DPF3: variants seen among roughly 807,000 people sequenced by gnomAD.
DPF3 encodes the protein double PHD fingers 3.
DPF3 carries 18 observed loss-of-function variants against 56.8 expected under a neutral mutation model. That is an observed-to-expected ratio of 0.32 (90% CI 0.22 to 0.47). DPF3 has a LOEUF of 0.47. DPF3 is among the 20% of genes least tolerant of loss of function. The probability of loss-of-function intolerance (pLI) is 1.00; values close to 1 mark genes in which losing one functional copy is unlikely to be tolerated. For synonymous variants in DPF3, 188 were observed against 180.2 expected (o/e 1.04, Z -0.35); for missense variants, 403 against 488.8 (o/e 0.82, Z 1.65).
chr14:72,879,516 C>T (rs1486287226), intron 1 of DPF3, among the ~76,000 whole-genome samples: 2 of 152,194 alleles, frequency 1.3e-5, no homozygotes, highest in Non-Finnish European at 1.5e-5. Flanking sequence ...TGGCCCAGGG[C>T]AGGTGTGGCC....
At chr14:72,653,077 A>G (rs555416932) in intron 8 of DPF3, among the ~76,000 whole-genome samples, 157 of 152,324 alleles carry the variant, frequency 1.0e-3, no homozygotes, top group Non-Finnish European at 2.1e-3. Context: ...GTCACTGAAC[A>G]TTATTGGGAG....
chr14:72,747,625 CAA>C (rs1030427221), intron 3 of DPF3, among the ~76,000 whole-genome samples: 76 of 77,530 alleles, frequency 9.8e-4, no homozygotes, highest in African/African-American at 2.7e-3. Flanking sequence ...CCCGTCTCTA[CAA>C]AAAAAAAAAA....
At chr14:72,887,152 A>AC (rs1886578443) in intron 1 of DPF3, among the ~76,000 whole-genome samples, 4 of 138,046 alleles carry the variant, frequency 2.9e-5, no homozygotes, top group Non-Finnish European at 6.2e-5. Flanking sequence ...TCTGCCTCCA[A>AC]ACACACACAC....
chr14:72,879,727 C>T (rs1886254530), intron 1 of DPF3: 3 of 1,447,104 alleles, frequency 2.1e-6, no homozygotes, highest in Non-Finnish European at 2.7e-6. Context: ...TGACAAGAGT[C>T]GTCTCTCTGG....
rs1050730178 is a variant in DPF3 at position 72,619,383 on chromosome 14, C to G, written c.1067-16G>C. 6.5e-7 allele frequency: 1 copy of G among 1,536,056 alleles called. No individual in the cohort carries two copies. The highest frequency in any genetic ancestry group is 2.0e-5 in the Admixed American group (1 of 50,996). On this transcript the variant is annotated splice_polypyrimidine_tract_variant and intron_variant, in intron 10 of 10. Coordinates refer to ENST00000556509, the MANE Select transcript of DPF3 (RefSeq NM_001280542.3). ...CTCCAGCTTCCTGCAAGAAATGAGA[C>G]GGCTTTAGTAGCAGCCCCTCTGCTA... is the stretch of plus-strand genomic sequence containing the variant.
chr14:72,756,807 T>TGAAAGAAAGAAAGAAA (rs1292830444), intron 2 of DPF3, among the ~76,000 whole-genome samples: 3 of 86,970 alleles, frequency 3.4e-5, no homozygotes, highest in Non-Finnish European at 6.7e-5. Flanking sequence ...CAAGATTCTG[T>TGAAAGAAAGAAAGAAA]GAAAGAAAGA....
intron 8 of DPF3, among the ~76,000 whole-genome samples, chr14:72,658,917 G>A (rs1277661487): frequency 6.6e-6 from 1 of 152,072 alleles, no homozygotes; most frequent in East Asian, 1.9e-4. Flanking sequence ...GGCACTCAAA[G>A]CTGATCTTCA....
intron 1 of DPF3, among the ~76,000 whole-genome samples, chr14:72,783,778 C>T (rs976442358): frequency 1.3e-5 from 2 of 152,208 alleles, no homozygotes; most frequent in Non-Finnish European, 2.9e-5. Flanking sequence ...CATACCCATC[C>T]CATGTCCCTC....
chr14:72,757,269 G>A (rs1890880290), intron 2 of DPF3, among the ~76,000 whole-genome samples: 1 of 152,176 alleles, frequency 6.6e-6, no homozygotes, highest in Admixed American at 6.5e-5. Flanking sequence ...TCAGAGAGGT[G>A]GACCCACAGC....
chr14:72,687,266 T>C (rs1887453325), intron 7 of DPF3, among the ~76,000 whole-genome samples: 1 of 152,188 alleles, frequency 6.6e-6, no homozygotes, highest in South Asian at 2.1e-4. Context: ...CCATCTTCAA[T>C]TCCACAGACT....
At chr14:72,796,576 T>A (rs1892653984) in intron 1 of DPF3, among the ~76,000 whole-genome samples, 2 of 152,198 alleles carry the variant, frequency 1.3e-5, no homozygotes, top group East Asian at 3.9e-4. Context: ...TTAAATAGCA[T>A]GTAAAACCTT....
chr14:72,770,864 GC>G (rs1274731381), intron 2 of DPF3, among the ~76,000 whole-genome samples: 5 of 152,176 alleles, frequency 3.3e-5, no homozygotes, highest in Admixed American at 6.5e-5. Flanking sequence ...TGTCACTGTA[GC>G]TGTAGTAATA....
intron 1 of DPF3, among the ~76,000 whole-genome samples, chr14:72,838,077 G>T (rs1884371200): frequency 6.6e-6 from 1 of 152,186 alleles, no homozygotes; most frequent in Non-Finnish European, 1.5e-5. Flanking sequence ...GGGGAATGGG[G>T]CCATCTGACA....
At chr14:72,814,999 T>A (rs1246749539) in intron 1 of DPF3, among the ~76,000 whole-genome samples, 1 of 152,182 alleles carries the variant, frequency 6.6e-6, no homozygotes, top group African/African-American at 2.4e-5. Flanking sequence ...TCACCAACAT[T>A]TTAAATGTCT....
intron 3 of DPF3, 21 bp from the exon 4 acceptor site, chr14:72,731,955 G>T (rs1213240018): frequency 2.6e-6 from 4 of 1,562,640 alleles, no homozygotes; most frequent in Non-Finnish European, 3.5e-6. Context: ...AAGATAGAAA[G>T]GCAGGTCAGG....
chr14:72,873,458 T>C (rs2140114367), intron 1 of DPF3, among the ~76,000 whole-genome samples: 1 of 152,278 alleles, frequency 6.6e-6, no homozygotes, highest in African/African-American at 2.4e-5. Context: ...AATAGGAACA[T>C]TTTCTCACTG....
chr14:72,856,741 G>A (rs1305995863), intron 1 of DPF3, among the ~76,000 whole-genome samples: 1 of 152,214 alleles, frequency 6.6e-6, no homozygotes, highest in Non-Finnish European at 1.5e-5. Context: ...CCAGAAGTAT[G>A]AATAATGCGT....
At chr14:72,684,514 T>A (rs76215067) in intron 7 of DPF3, among the ~76,000 whole-genome samples, 14 of 134,466 alleles carry the variant, frequency 1.0e-4, no homozygotes, top group East Asian at 6.8e-4. Flanking sequence ...CTTTTTTTTT[T>A]AAAAGAGCAA....
intron 8 of DPF3, among the ~76,000 whole-genome samples, chr14:72,631,531 C>T (rs1362531993): frequency 6.6e-6 from 1 of 152,166 alleles, no homozygotes; most frequent in Non-Finnish European, 1.5e-5. Flanking sequence ...GACCAGGCAC[C>T]ACTGAGAGCA....
Sources: allele counts gnomAD v4.1 joint callset (sites outside exome capture counted in the v4.1 genomes callset), GRCh38; gene constraint gnomAD v4.1.1; transcripts MANE v1.5; gene names NCBI Gene and HGNC (gene_info 2026-07-23, HGNC 2026-07-21).